ZNF627: variants seen among roughly 807,000 people sequenced by gnomAD.
ZNF627 encodes the protein zinc finger protein 627.
ZNF627 carries 12 observed loss-of-function variants against 10.6 expected under a neutral mutation model. The ratio of observed to expected loss-of-function variants is 1.13; its 90% CI spans 0.73 to 1.84. ZNF627 has a LOEUF of 1.84. ZNF627 is among the 40% of genes most tolerant of loss of function. The probability of loss-of-function intolerance (pLI) is 0.00; values close to 1 mark genes in which losing one functional copy is unlikely to be tolerated. For synonymous variants in ZNF627, 176 were observed against 187.1 expected, an observed-to-expected ratio of 0.94 and a Z score of 0.48; for missense variants, 504 against 568.4, an observed-to-expected ratio of 0.89 and a Z score of 1.15.
intron 1 of ZNF627, 46 bp from the exon 2 acceptor site, chr19:11,614,481 G>A (rs773698017): frequency 6.2e-7 from 1 of 1,612,098 alleles, no homozygotes; most frequent in Admixed American, 1.7e-5. Context: ...GGCCCCCAGT[G>A]CTGTCTGTCT....
intron 1 of ZNF627, among the ~76,000 whole-genome samples, chr19:11,606,569 G>A (rs564159456): frequency 6.6e-6 from 1 of 152,104 alleles, no homozygotes; most frequent in Non-Finnish European, 1.5e-5. Context: ...TCTTGAGGAC[G>A]GATGGTGGCC....
Position 11,618,176 on chromosome 19 carries a change from T to A in ZNF627, c.*287T>A. On this transcript the variant is annotated 3_prime_UTR_variant, in exon 4 of 4. Coordinates refer to ENST00000361113, the MANE Select transcript of ZNF627 (RefSeq NM_145295.4). Reference sequence around the variant, plus strand: ...CAATTCACCAGTAACCTATCTTACATGAGATTCGGAAGTAAGTTAAGAAGG... The same window carrying A: ...CAATTCACCAGTAACCTATCTTACAAGAGATTCGGAAGTAAGTTAAGAAGG... The A allele has an allele frequency of 2.9e-6, 1 of 340,076 alleles. No homozygotes were observed. The highest frequency in any genetic ancestry group is 5.3e-6 in the Non-Finnish European group (1 of 188,964). 21.1% of individuals were successfully genotyped at this position (340,076 alleles called of 1,614,324 possible).
At chr19:11,597,894 C>T (rs922463237) in intron 1 of ZNF627, among the ~76,000 whole-genome samples, 2 of 152,240 alleles carry the variant, frequency 1.3e-5, no homozygotes, top group Non-Finnish European at 2.9e-5. Flanking sequence ...TATCCCTCCT[C>T]GGATGTGGTT....
At position 11,597,631 on chromosome 19, in the gene ZNF627, G is replaced by C; in HGVS notation, c.3+1G>C. On this transcript the variant is annotated splice_donor_variant, in intron 1 of 3. Coordinates refer to ENST00000361113, the MANE Select transcript of ZNF627 (RefSeq NM_145295.4). LOFTEE classifies it high-confidence loss of function. The stretch of plus-strand genomic sequence containing the variant: ...CGGGACACCTGGAAGCCGAGAAATG[G>C]TGCGTGTGAGGGGTCAGGCGTCCCC... The C allele has an allele frequency of 7.5e-7, 1 of 1,335,898 alleles. No individual in the cohort carries two copies. Among genetic ancestry groups the C allele is most frequent in the Non-Finnish European group, 9.6e-7 (1 of 1,036,544 alleles). 82.8% of individuals were successfully genotyped at this position (1,335,898 alleles called of 1,614,324 possible).
chr19:11,598,314 G>A (rs1462315308), intron 1 of ZNF627, among the ~76,000 whole-genome samples: 13 of 152,082 alleles, frequency 8.5e-5, no homozygotes, highest in Admixed American at 7.9e-4. Flanking sequence ...CAGGAGGATC[G>A]CTTGGGCCCA....
Position 11,609,471 on chromosome 19 carries a change from T to TTATATATATATA in ZNF627, c.4-5020_4-5009dup, listed in dbSNP as rs1168205815. Reference sequence around the variant, plus strand: ...TTCCTGGGTAGTCTTTTAAAAAATTTTATATATATATATATATATATATAT... The same window carrying TTATATATATATA: ...TTCCTGGGTAGTCTTTTAAAAAATTTTATATATATATATATATATATATATATATATATATAT... On this transcript the variant is annotated intron_variant, in intron 1 of 3. Transcript: ENST00000361113. 8.5e-3 allele frequency among the ~76,000 whole-genome samples: 450 copies of TTATATATATATA among 53,058 alleles called. 6 individuals are homozygous for TTATATATATATA. The highest frequency in any genetic ancestry group is 0.015 in the Non-Finnish European group (286 of 19,060). The allele number at this position is 53,058 out of a possible 152,430, so 34.8% of individuals were successfully genotyped here. A position where few individuals can be genotyped will look rare whatever the true frequency, so the allele number is the denominator to read the frequency against.
intron 1 of ZNF627, among the ~76,000 whole-genome samples, chr19:11,600,230 G>A (rs911774300): frequency 5.9e-5 from 9 of 151,976 alleles, no homozygotes; most frequent in African/African-American, 2.4e-5. Context: ...CACGAGGTCA[G>A]GAGATCGAGA....
At chr19:11,601,716 A>C (rs17448895) in intron 1 of ZNF627, among the ~76,000 whole-genome samples, 17 of 151,580 alleles carry the variant, frequency 1.1e-4, no homozygotes, top group Non-Finnish European at 2.4e-4. Flanking sequence ...TAAAATCTTC[A>C]AGCATCTCAG....
rs145130064 is a variant in ZNF627 at position 11,614,738 on chromosome 19, T to TG, written c.131-86dup. The stretch of plus-strand genomic sequence containing the variant: ...AACACTTTGGGGAATAAACCAGGCA[T>TG]GGGTACAGGGAATTATGAATATAGA... On this transcript the variant is annotated intron_variant, in intron 2 of 3. Coordinates refer to ENST00000361113, the MANE Select transcript of ZNF627 (RefSeq NM_145295.4). 1.3e-3 allele frequency: 2,150 copies of TG among 1,606,330 alleles called. 27 individuals carry two copies. The African/African-American group carries it at 0.026, about 19-fold the overall frequency.
chr19:11,616,820 G>T lies in ZNF627; in HGVS notation c.317G>T (p.Cys106Phe). The T allele has an allele frequency of 6.2e-7, 1 of 1,614,090 alleles. No individual in the cohort carries two copies. Among genetic ancestry groups the T allele is most frequent in the South Asian group, 1.1e-5 (1 of 91,090 alleles). ...GTAAAACCGTGTGAAAGCAGTGTGTGTGGAGAAGTTGGCATGGGTCCTTCA... is the reference window on the plus strand; with the variant it reads ...GTAAAACCGTGTGAAAGCAGTGTGTTTGGAGAAGTTGGCATGGGTCCTTCA... ...PGVKPCESSV[C>F]GEVGMGPSSL... Residue 106 changes from cysteine to phenylalanine, a missense_variant, in exon 4 of 4, where the codon TGT (cysteine) becomes TTT (phenylalanine). Physicochemically the swap from Cys to Phe is radical, Grantham distance 205 (BLOSUM62 -2). Transcript: ENST00000361113.
Position 11,614,866 on chromosome 19 carries a change from A to G in ZNF627, c.170A>G (p.Lys57Arg). 1 of 1,607,728 alleles carries G rather than the reference A, an allele frequency of 6.2e-7. No individual in the cohort carries two copies. The highest frequency in any genetic ancestry group is 1.7e-4 in the Middle Eastern group (1 of 6,050). ...GACCAGAACATTGAAGACCCATTCA[A>G]AATTCCCAGGAGAAATATAAGGTAA... ...WEDQNIEDPF[K>R]IPRRNISHIP... is the part of the protein sequence containing the mutation. The change falls in exon 3 of 4, where the codon AAA becomes AGA. Residue 57 changes from lysine (K) to arginine (R), a missense_variant. By Grantham distance (26) the Lys-to-Arg change is conservative (BLOSUM62 2). Coordinates refer to ENST00000361113, the MANE Select transcript of ZNF627 (RefSeq NM_145295.4).
intron 1 of ZNF627, among the ~76,000 whole-genome samples, chr19:11,606,349 G>A (rs1373542650): frequency 6.6e-6 from 1 of 150,720 alleles, no homozygotes; most frequent in Non-Finnish European, 1.5e-5. Flanking sequence ...AAAAAAAAAA[G>A]AAAGAAAAAA....
At chr19:11,609,471 T>TTATATATATATATATATACA (rs1973729746) in intron 1 of ZNF627, among the ~76,000 whole-genome samples, 1 of 54,016 alleles carries the variant, frequency 1.9e-5, no homozygotes, top group Admixed American at 2.2e-4. Flanking sequence ...TTAAAAAATT[T>TTATATATATATATATATACA]TATATATATA....
intron 3 of ZNF627, among the ~76,000 whole-genome samples, 168 bp from the exon 4 acceptor site, chr19:11,616,527 G>A (rs1462876284): frequency 2.0e-5 from 3 of 152,174 alleles, no homozygotes; most frequent in Non-Finnish European, 4.4e-5. Context: ...GGAGGCAGAG[G>A]TGAGAGGATC....
intron 1 of ZNF627, among the ~76,000 whole-genome samples, chr19:11,599,758 T>A (rs1599652029): frequency 6.6e-6 from 1 of 152,062 alleles, no homozygotes; most frequent in East Asian, 1.9e-4. Flanking sequence ...AATACAAAAA[T>A]TAGCTGGGTG....
Position 11,617,938 on chromosome 19 carries a change from G to A in ZNF627, c.*49G>A, listed in dbSNP as rs370433469. 66 of 1,454,380 alleles carry A rather than the reference G, an allele frequency of 4.5e-5. No homozygotes were observed. The highest frequency in any genetic ancestry group is 5.9e-5 in the Non-Finnish European group (65 of 1,096,696). 90.1% of individuals were successfully genotyped at this position (1,454,380 alleles called of 1,614,324 possible). On this transcript the variant is annotated 3_prime_UTR_variant, in exon 4 of 4. Coordinates refer to ENST00000361113, the MANE Select transcript of ZNF627 (RefSeq NM_145295.4). ...AACCCCATGAAAGTAAGAAATTTGG[G>A]AAAGCCTTCAGTCCTTTCTGTTTCT...
In ZNF627 at chr19:11,609,469, TTTTATATATATA is replaced by T. The variant is rs1462664626; in HGVS notation, c.4-5056_4-5045del. Among the ~76,000 whole-genome samples, 275 of 115,854 alleles carry T rather than the reference TTTTATATATATA, an allele frequency of 2.4e-3. 9 individuals are homozygous for T. The East Asian group carries it at 0.036, about 15-fold the overall frequency. 76.0% of individuals were successfully genotyped at this position (115,854 alleles called of 152,430 possible). Reference sequence around the variant, plus strand: ...ACTTCCTGGGTAGTCTTTTAAAAAATTTTATATATATATATATATATATATATATATATATAT... The same window carrying T: ...ACTTCCTGGGTAGTCTTTTAAAAAATTATATATATATATATATATATATAT... On this transcript the variant is annotated intron_variant, in intron 1 of 3. Transcript: ENST00000361113.
intron 1 of ZNF627, among the ~76,000 whole-genome samples, chr19:11,613,690 T>C (rs1180170139): frequency 6.6e-6 from 1 of 151,564 alleles, no homozygotes; most frequent in African/African-American, 2.4e-5. Flanking sequence ...AATTCATTAG[T>C]TGCAATTTAG....
chr19:11,613,356 A>G (rs1973811500), intron 1 of ZNF627, among the ~76,000 whole-genome samples: 1 of 147,910 alleles, frequency 6.8e-6, no homozygotes, highest in South Asian at 2.2e-4. Flanking sequence ...ATATTTCAAG[A>G]TGACTACTCT....
Sources: gnomAD v4.1 joint callset for allele counts (sites outside exome capture counted in the v4.1 genomes callset) on GRCh38, gnomAD v4.1.1 for gene constraint, MANE v1.5 for transcripts, NCBI Gene and HGNC (gene_info 2026-07-23, HGNC 2026-07-21) for gene names.